Variants in MCPH1 observed in about 807,000 individuals in gnomAD.
MCPH1 encodes the protein microcephalin.
A neutral mutation model predicts 84.5 loss-of-function variants in MCPH1; 104 were observed. The observed-to-expected ratio is 1.23, with a 90% CI of 1.05 to 1.45. The LOEUF (loss-of-function observed/expected upper bound fraction) is 1.45, where lower values mean the gene tolerates loss of function less well. Among genes scored for constraint, MCPH1 ranks in the 40% most tolerant of loss-of-function variants. The pLI is 0.00. For missense variants in MCPH1, 1,498 were observed against 1,005.7 expected (o/e 1.49, Z -6.62); for synonymous variants, 514 against 366.8 (o/e 1.40, Z -4.58).
intron 12 of MCPH1, among the ~76,000 whole-genome samples, chr8:6,510,572 T>G (rs780892326): frequency 6.6e-6 from 1 of 152,218 alleles, no homozygotes; most frequent in African/African-American, 2.4e-5. Context: ...TATAACCACC[T>G]GCAGTGGTGG....
intron 12 of MCPH1, among the ~76,000 whole-genome samples, chr8:6,597,795 A>G (rs552686497): frequency 2.0e-5 from 3 of 152,122 alleles, no homozygotes; most frequent in Non-Finnish European, 4.4e-5. Context: ...AATATGGTCT[A>G]CTGTCCTTCC....
intron 8 of MCPH1, among the ~76,000 whole-genome samples, chr8:6,451,783 T>A (rs909695057): frequency 6.6e-6 from 1 of 152,232 alleles, no homozygotes; most frequent in Non-Finnish European, 1.5e-5. Flanking sequence ...ATATTCAAAT[T>A]TTTGAAGCTT....
At chr8:6,541,559 AGGTCCTT>A (rs1821582132) in intron 12 of MCPH1, among the ~76,000 whole-genome samples, 1 of 152,216 alleles carries the variant, frequency 6.6e-6, no homozygotes, top group Non-Finnish European at 1.5e-5. Flanking sequence ...GACGCTCGGC[AGGTCCTT>A]GGTGGCCTCT....
At chr8:6,406,749 C>A in intron 1 of MCPH1, 60 bp downstream of exon 1, 1 of 1,584,054 alleles carries the variant, frequency 6.3e-7, no homozygotes, top group South Asian at 1.1e-5. Flanking sequence ...CACCCCTCGT[C>A]GCGGGCGCAC....
intron 8 of MCPH1, among the ~76,000 whole-genome samples, chr8:6,449,552 G>C (rs1290589260): frequency 2.0e-5 from 3 of 151,878 alleles, no homozygotes; most frequent in Non-Finnish European, 4.4e-5. Flanking sequence ...AGAATCACTT[G>C]AACCCAGGAG....
intron 5 of MCPH1, among the ~76,000 whole-genome samples, chr8:6,437,769 C>T (rs2129554777): frequency 6.6e-6 from 1 of 152,300 alleles, no homozygotes; most frequent in Non-Finnish European, 1.5e-5. Flanking sequence ...TGACACTAAC[C>T]CCCATCAAGA....
chr8:6,539,038 TG>T (rs1821021418), intron 12 of MCPH1, among the ~76,000 whole-genome samples: 1 of 152,070 alleles, frequency 6.6e-6, no homozygotes, highest in Non-Finnish European at 1.5e-5. Context: ...CTTGTGTGTG[TG>T]TGTGTGTGTG....
At chr8:6,499,774 T>C (rs1811792874) in intron 11 of MCPH1, 78 bp from the exon 12 acceptor site, 8 of 1,283,900 alleles carry the variant, frequency 6.2e-6, no homozygotes, top group Admixed American at 1.7e-5. Context: ...TTTTGCTGTG[T>C]CTTCAAAGTG....
chr8:6,641,779 T>A (rs532368626), intron 13 of MCPH1, among the ~76,000 whole-genome samples: 42 of 152,332 alleles, frequency 2.8e-4, no homozygotes, highest in Admixed American at 1.5e-3. Context: ...TAATAATACC[T>A]GCTTCACTGT....
chr8:6,417,197 C>T (rs1270273384), intron 3 of MCPH1, among the ~76,000 whole-genome samples: 1 of 152,052 alleles, frequency 6.6e-6, no homozygotes, highest in South Asian at 2.1e-4. Context: ...TGCCCCGTTT[C>T]CTCCTCATTT....
chr8:6,442,119 A>G lies in MCPH1; in HGVS notation c.633A>G (p.Glu211=). 1 of 1,613,522 alleles carries G rather than the reference A, an allele frequency of 6.2e-7. No homozygotes were observed. Among genetic ancestry groups the G allele is most frequent in the Non-Finnish European group, 8.5e-7 (1 of 1,179,470 alleles). ...SHDNPSNSLC[E]APLNISRDTL... is the part of the protein sequence containing the mutation. ...ATAATCCAAGTAACTCTCTGTGTGA[A>G]GCACCTTTGAACATTTCACGTGATA... The change falls in exon 7 of 14, where the codon GAA becomes GAG. Residue 211 remains glutamate (E), a synonymous_variant. Transcript: ENST00000344683.
intron 13 of MCPH1, 65 bp downstream of exon 13, chr8:6,621,756 G>A: frequency 6.2e-7 from 1 of 1,608,816 alleles, no homozygotes; most frequent in Non-Finnish European, 8.5e-7. Context: ...TCCAGGGAGG[G>A]CGGCGTCAGG....
At chr8:6,640,097 T>TGTGTGC (rs1242280817) in intron 13 of MCPH1, among the ~76,000 whole-genome samples, 1,513 of 131,366 alleles carry the variant, frequency 0.012, 15 homozygotes, top group African/African-American at 0.019. Flanking sequence ...TGTGTGTGTG[T>TGTGTGC]GCGCGCGCGT....
chr8:6,482,346 C>CTA (rs1374582055), intron 11 of MCPH1, among the ~76,000 whole-genome samples: 1 of 152,162 alleles, frequency 6.6e-6, no homozygotes, highest in Non-Finnish European at 1.5e-5. Flanking sequence ...ACTGTGCATA[C>CTA]TATATATATA....
chr8:6,561,991 G>A (rs559889947), intron 12 of MCPH1, among the ~76,000 whole-genome samples: 5 of 152,254 alleles, frequency 3.3e-5, no homozygotes, highest in South Asian at 2.1e-4. Flanking sequence ...TGGAACTGAC[G>A]GGGGCTGCAG....
chr8:6,538,746 T>C (rs1444959117), intron 12 of MCPH1, among the ~76,000 whole-genome samples: 4 of 152,190 alleles, frequency 2.6e-5, no homozygotes, highest in African/African-American at 9.7e-5. Context: ...CCACAGACAA[T>C]AGGTTAATGT....
intron 12 of MCPH1, among the ~76,000 whole-genome samples, chr8:6,526,147 C>A (rs777408160): frequency 2.7e-5 from 4 of 150,796 alleles, no homozygotes; most frequent in African/African-American, 9.7e-5. Context: ...ACGCCAGGTA[C>A]GGTGGCTCAT....
At chr8:6,521,139 G>T in intron 12 of MCPH1, 1 of 1,559,196 alleles carries the variant, frequency 6.4e-7, no homozygotes, top group Non-Finnish European at 8.8e-7. Context: ...ACTGACTAAA[G>T]GTTATTAACG....
intron 12 of MCPH1, among the ~76,000 whole-genome samples, chr8:6,504,762 T>C (rs1405936545): frequency 2.0e-5 from 3 of 152,168 alleles, no homozygotes; most frequent in African/African-American, 7.2e-5. Flanking sequence ...TATTCAGTTT[T>C]ATTATTGTTA....
Sources: gnomAD v4.1 joint callset for allele counts (sites outside exome capture counted in the v4.1 genomes callset) on GRCh38, gnomAD v4.1.1 for gene constraint, MANE v1.5 for transcripts, NCBI Gene and HGNC (gene_info 2026-07-23, HGNC 2026-07-21) for gene names.